Variants in ADD2 observed in about 807,000 individuals in gnomAD.
The protein encoded by ADD2 is beta-adducin.
Under a neutral mutation model 83.0 loss-of-function variants are expected in ADD2, and 23 were observed. That is an observed-to-expected ratio of 0.28 (90% CI 0.20 to 0.39). The LOEUF (loss-of-function observed/expected upper bound fraction) is 0.39. Among genes scored for constraint, ADD2 ranks in the 10% least tolerant of loss-of-function variants. The probability of loss-of-function intolerance (pLI) is 1.00; values close to 1 mark genes in which losing one functional copy is unlikely to be tolerated. For missense variants in ADD2, 758 were observed against 944.9 expected, an observed-to-expected ratio of 0.80 and a Z score of 2.59; for synonymous variants, 375 against 375.4, an observed-to-expected ratio of 1.00 and a Z score of 0.01.
At chr2:70,727,150 C>T (rs545110640) in intron 1 of ADD2, among the ~76,000 whole-genome samples, 3 of 152,254 alleles carry the variant, frequency 2.0e-5, no homozygotes, top group South Asian at 4.1e-4. Flanking sequence ...GCCATAGACT[C>T]GGAGCAGGAA....
intron 10 of ADD2, among the ~76,000 whole-genome samples, chr2:70,683,279 G>A (rs1267495649): frequency 2.3e-4 from 35 of 151,870 alleles, no homozygotes; most frequent in Admixed American, 6.6e-5. Context: ...TGCCTGCCTC[G>A]GCCTCCCAGA....
At chr2:70,696,805 T>C (rs1429720034) in intron 4 of ADD2, among the ~76,000 whole-genome samples, 1 of 152,232 alleles carries the variant, frequency 6.6e-6, no homozygotes, top group Non-Finnish European at 1.5e-5. Flanking sequence ...AACCAGCTAT[T>C]ACATTGTTTT....
chr2:70,726,580 G>A (rs1241116723), intron 1 of ADD2, among the ~76,000 whole-genome samples: 4 of 152,214 alleles, frequency 2.6e-5, no homozygotes, highest in Admixed American at 1.3e-4. Context: ...CTGGGAGAAT[G>A]GAAATGTTGG....
At chr2:70,671,117 G>C (rs139091172) in intron 15 of ADD2, among the ~76,000 whole-genome samples, 73 of 152,260 alleles carry the variant, frequency 4.8e-4, no homozygotes, top group African/African-American at 1.7e-3. Flanking sequence ...TAGCAGACCA[G>C]GCCCTCTATG....
At chr2:70,737,828 G>T (rs937749764) in intron 1 of ADD2, among the ~76,000 whole-genome samples, 2 of 152,170 alleles carry the variant, frequency 1.3e-5, no homozygotes, top group African/African-American at 4.8e-5. Flanking sequence ...TCTTCTGATT[G>T]TGATTCAGCT....
chr2:70,690,888 A>G lies in ADD2; in HGVS notation c.747T>C (p.Asn249=). The G allele has an allele frequency of 6.2e-7, 1 of 1,614,024 alleles. No individual in the cohort carries two copies. The highest frequency in any genetic ancestry group is 8.5e-7 in the Non-Finnish European group (1 of 1,179,972). Residue 249 remains asparagine (N), a synonymous_variant, in exon 8 of 16, where the codon AAT becomes AAC. Transcript: ENST00000264436. ...AGGCCATGTCCCCCACCAGCAGGGC[A>G]TTGTGGGAGACAGGCAGGAGGCCCC... The part of the protein sequence containing the change: ...MKWGLLPVSH[N]ALLVGDMAYY...
chr2:70,661,848 A>C lies in ADD2; in HGVS notation c.*1577T>G, dbSNP rs782583272. On this transcript the variant is annotated 3_prime_UTR_variant, in exon 16 of 16. Coordinates refer to ENST00000264436, the MANE Select transcript of ADD2 (RefSeq NM_001617.4). ...TTAAGAGCAAGGGCTCTGGACTCAG[A>C]CTGACCTGGATTCAAATCCAGGATC... The C allele has an allele frequency of 6.6e-6, 1 of 152,224 alleles. No individual in the cohort carries two copies. The highest frequency in any genetic ancestry group is 1.5e-5 in the Non-Finnish European group (1 of 68,046). 9.4% of individuals were successfully genotyped at this position (152,224 alleles called of 1,614,324 possible).
chr2:70,668,795 A>G (rs782303223), intron 15 of ADD2, among the ~76,000 whole-genome samples: 3 of 152,096 alleles, frequency 2.0e-5, no homozygotes, highest in Non-Finnish European at 4.4e-5. Flanking sequence ...GCTCAAACAC[A>G]TGACCTCTTG....
chr2:70,691,194 T>C (rs1671017052), intron 7 of ADD2, among the ~76,000 whole-genome samples: 1 of 152,164 alleles, frequency 6.6e-6, no homozygotes, highest in Admixed American at 6.5e-5. Context: ...CTAGAAAGAA[T>C]GCACTCCAGA....
chr2:70,719,888 A>G (rs1413127903), intron 1 of ADD2, among the ~76,000 whole-genome samples: 1 of 152,172 alleles, frequency 6.6e-6, no homozygotes, highest in Non-Finnish European at 1.5e-5. Flanking sequence ...TCTGTCCTTC[A>G]ATAGGAAGGT....
At chr2:70,694,076 G>A (rs538103723) in intron 6 of ADD2, among the ~76,000 whole-genome samples, 2 of 152,268 alleles carry the variant, frequency 1.3e-5, no homozygotes, top group South Asian at 4.1e-4. Flanking sequence ...CTTGTGCAGT[G>A]CACAAACTGC....
intron 1 of ADD2, among the ~76,000 whole-genome samples, chr2:70,734,203 T>C (rs1321070197): frequency 2.0e-5 from 3 of 151,812 alleles, no homozygotes; most frequent in African/African-American, 7.3e-5. Context: ...GAAAAATGAG[T>C]TTATCTACAT....
At chr2:70,691,106 G>A (rs781820481) in intron 7 of ADD2, among the ~76,000 whole-genome samples, 177 bp from the exon 8 acceptor site, 27 of 152,212 alleles carry the variant, frequency 1.8e-4, no homozygotes, top group Non-Finnish European at 1.5e-5. Context: ...CTTGGGCGTT[G>A]TGTCACGCTG....
chr2:70,756,424 CTGGATTGAGACAT>C (rs1674794963), intron 1 of ADD2, among the ~76,000 whole-genome samples: 1 of 151,316 alleles, frequency 6.6e-6, no homozygotes, highest in South Asian at 2.1e-4. Flanking sequence ...GAATTTCACC[CTGGATTGAGACAT>C]TGGAGTCCTA....
chr2:70,718,991 T>G lies in ADD2; in HGVS notation c.-153-5807A>C, dbSNP rs185604651. Among the ~76,000 whole-genome samples the G allele has an allele frequency of 9.8e-5, 15 of 152,310 alleles. No individual in the cohort carries two copies. In the East Asian group the frequency reaches 2.7e-3, roughly 27 times the overall value. ...ATGATTCTACTTCCTATTTCTGGCA[T>G]GCGGGGCTCAGAACCAAGCTCTTCC... On this transcript the variant is annotated intron_variant, in intron 1 of 15. Transcript: ENST00000264436.
intron 1 of ADD2, among the ~76,000 whole-genome samples, chr2:70,743,798 T>C (rs1553381508): frequency 6.6e-6 from 1 of 152,140 alleles, no homozygotes; most frequent in African/African-American, 2.4e-5. Flanking sequence ...GGTCCTGTGG[T>C]AGATCAGAGC....
intron 1 of ADD2, among the ~76,000 whole-genome samples, chr2:70,757,294 G>C (rs1279887582): frequency 2.0e-5 from 3 of 151,784 alleles, no homozygotes; most frequent in Non-Finnish European, 2.9e-5. Context: ...TTTGTGGGGG[G>C]GGGGGATTTG....
chr2:70,713,208 T>C, intron 1 of ADD2, 24 bp from the exon 2 acceptor site: 1 of 932,912 alleles, frequency 1.1e-6, no homozygotes, highest in Non-Finnish European at 1.3e-6. Context: ...ACACGACAAG[T>C]GTCAGGGCCT....
At chr2:70,724,959 C>A (rs7584508) in intron 1 of ADD2, among the ~76,000 whole-genome samples, 40,307 of 152,082 alleles carry the variant, frequency 0.27, 6,356 homozygotes, top group African/African-American at 0.45. Context: ...TCCTCTACTG[C>A]CTCTTCTTTC....
Sources: allele counts gnomAD v4.1 joint callset (sites outside exome capture counted in the v4.1 genomes callset), GRCh38; gene constraint gnomAD v4.1.1; transcripts MANE v1.5; gene names NCBI Gene and HGNC (gene_info 2026-07-23, HGNC 2026-07-21).